Variants in SDHB observed in about 807,000 individuals in gnomAD.
SDHB encodes the protein succinate dehydrogenase [ubiquinone] iron-sulfur subunit, mitochondrial.
A neutral mutation model predicts 39.7 loss-of-function variants in SDHB; 21 were observed. The observed-to-expected ratio is 0.53, with a 90% confidence interval of 0.37 to 0.76. SDHB has a LOEUF of 0.76. SDHB is among the 30% of genes least tolerant of loss of function. The probability of loss-of-function intolerance (pLI) is 0.00; values close to 1 mark genes in which losing one functional copy is unlikely to be tolerated. For synonymous variants in SDHB, 118 were observed against 117.0 expected, an observed-to-expected ratio of 1.01 and a Z score of -0.06; for missense variants, 343 against 350.9, an observed-to-expected ratio of 0.98 and a Z score of 0.18.
At chr1:17,041,466 T>C (rs1022546583) in intron 2 of SDHB, among the ~76,000 whole-genome samples, 2 of 151,954 alleles carry the variant, frequency 1.3e-5, no homozygotes, top group Non-Finnish European at 2.9e-5. Flanking sequence ...GGCCAGGAGA[T>C]CAAGACCAGC....
chr1:17,028,134 G>A (rs1355143682), intron 4 of SDHB, among the ~76,000 whole-genome samples: 1 of 152,162 alleles, frequency 6.6e-6, no homozygotes, highest in African/African-American at 2.4e-5. Context: ...AAAACACCAC[G>A]TCAGCAAAGG....
At chr1:17,030,921 T>G (rs1403085335) in intron 3 of SDHB, among the ~76,000 whole-genome samples, 2 of 151,670 alleles carry the variant, frequency 1.3e-5, no homozygotes, top group Non-Finnish European at 2.9e-5. Context: ...CCTTGTGATC[T>G]GCCCGCCTCG....
chr1:17,023,422 A>G (rs1016065236), intron 6 of SDHB, among the ~76,000 whole-genome samples: 7 of 152,272 alleles, frequency 4.6e-5, no homozygotes, highest in Non-Finnish European at 1.0e-4. Flanking sequence ...GAGAAAGAGA[A>G]GTTGGTTTTT....
intron 2 of SDHB, among the ~76,000 whole-genome samples, chr1:17,036,379 C>T (rs1481502456): frequency 1.3e-5 from 2 of 151,998 alleles, no homozygotes; most frequent in African/African-American, 2.4e-5. Context: ...GTTGTGATCA[C>T]AGCTCACTGC....
chr1:17,035,004 C>A (rs1396473535), intron 2 of SDHB, among the ~76,000 whole-genome samples: 3 of 152,164 alleles, frequency 2.0e-5, no homozygotes, highest in African/African-American at 7.2e-5. Flanking sequence ...ATTCTAGAGA[C>A]TCAGTCTGTC....
At chr1:17,037,187 C>T (rs1024137541) in intron 2 of SDHB, among the ~76,000 whole-genome samples, 2 of 152,024 alleles carry the variant, frequency 1.3e-5, no homozygotes, top group Non-Finnish European at 2.9e-5. Flanking sequence ...ACAAATTATG[C>T]ATAATAAAAA....
intron 3 of SDHB, among the ~76,000 whole-genome samples, chr1:17,030,143 C>T (rs1239372239): frequency 6.6e-6 from 1 of 151,994 alleles, no homozygotes; most frequent in Non-Finnish European, 1.5e-5. Flanking sequence ...GAGCAGAGAT[C>T]GCGCCACTGC....
intron 3 of SDHB, 165 bp downstream of exon 3, chr1:17,032,895 T>G (rs965521658): frequency 1.5e-6 from 1 of 687,100 alleles, no homozygotes; most frequent in South Asian, 1.6e-5. Context: ...GCACCATGGT[T>G]AGAATTTTGG....
rs780427803 is a variant in SDHB, at chr1:17,023,963, A to G, written c.642+10T>C. The G allele has an allele frequency of 1.3e-6, 2 of 1,596,024 alleles. No individual in the cohort carries two copies. Among genetic ancestry groups the G allele is most frequent in the South Asian group, 1.1e-5 (1 of 90,704 alleles). On this transcript the variant is annotated intron_variant, in intron 6 of 7. Transcript: ENST00000375499. ...TCAATTTCTCTTAAAGCAATTAAGG[A>G]GCACCTCACCTGCATAAGAACTGCA...
intron 3 of SDHB, among the ~76,000 whole-genome samples, chr1:17,029,095 T>G (rs1422534500): frequency 1.8e-5 from 2 of 108,330 alleles, no homozygotes; most frequent in Non-Finnish European, 3.7e-5. Flanking sequence ...ATCAGCCTGT[T>G]TTTTTTTTTT....
intron 1 of SDHB, among the ~76,000 whole-genome samples, chr1:17,053,193 G>T (rs1173918657): frequency 6.6e-6 from 1 of 152,118 alleles, no homozygotes; most frequent in Non-Finnish European, 1.5e-5. Context: ...CCATACAAGG[G>T]GCGTGGGAAA....
chr1:17,025,555 G>A (rs2077986937), intron 5 of SDHB, among the ~76,000 whole-genome samples: 2 of 152,010 alleles, frequency 1.3e-5, no homozygotes, highest in South Asian at 4.1e-4. Flanking sequence ...GACTATAGGT[G>A]CATACCACCA....
chr1:17,043,407 A>G (rs919445670), intron 2 of SDHB, among the ~76,000 whole-genome samples: 3 of 152,314 alleles, frequency 2.0e-5, no homozygotes, highest in Non-Finnish European at 2.9e-5. Context: ...TTATATATCA[A>G]TTAATGCTAC....
chr1:17,022,812 G>T, intron 6 of SDHB, 82 bp from the exon 7 acceptor site: 1 of 1,528,650 alleles, frequency 6.5e-7, no homozygotes, highest in Non-Finnish European at 8.9e-7. Flanking sequence ...CTCTGGGAGT[G>T]CAGAGGAAAG....
At chr1:17,027,625 C>T in intron 5 of SDHB, 124 bp downstream of exon 5, 1 of 758,368 alleles carries the variant, frequency 1.3e-6, no homozygotes, top group Non-Finnish European at 2.4e-6. Context: ...CACCCTTGTG[C>T]CAGTTCCTCT....
chr1:17,042,049 G>A (rs2078082997), intron 2 of SDHB, among the ~76,000 whole-genome samples: 1 of 152,052 alleles, frequency 6.6e-6, no homozygotes, highest in Non-Finnish European at 1.5e-5. Context: ...AGCCTCCCAA[G>A]TGGCTGGGAT....
At chr1:17,028,453 G>T in intron 4 of SDHB, 147 bp downstream of exon 4, 1 of 820,130 alleles carries the variant, frequency 1.2e-6, no homozygotes, top group Non-Finnish European at 2.0e-6. Context: ...CCATAATATA[G>T]GAAACAGTCC....
rs1210793630 is a variant in SDHB, at chr1:17,044,782, G to A, written c.179C>T (p.Thr60Ile). Residue 60 changes from threonine to isoleucine, a missense_variant, in exon 2 of 8, where the codon ACT becomes ATT. By Grantham distance (89) the Thr-to-Ile change is moderately conservative. Coordinates refer to ENST00000375499, the MANE Select transcript of SDHB (RefSeq NM_003000.3). ...TCACTTATTAAGGTCAACTTCATAA[G>A]TCTGCATATGAGGTTTGTCTCCAGC... ...DKAGDKPHMQ[T>I]YEVDLNKCGP... The A allele has an allele frequency of 3.7e-6, 6 of 1,614,064 alleles. 1 individual carries two copies. The highest frequency in any genetic ancestry group is 5.1e-6 in the Non-Finnish European group (6 of 1,179,970).
At chr1:17,023,024 T>C (rs1168423605) in intron 6 of SDHB, 1 of 387,310 alleles carries the variant, frequency 2.6e-6, no homozygotes, top group East Asian at 5.9e-5. Flanking sequence ...AATAGCTTCC[T>C]ACCCAGCTTA....
Sources: gnomAD v4.1 joint callset for allele counts (sites outside exome capture counted in the v4.1 genomes callset) on GRCh38, gnomAD v4.1.1 for gene constraint, MANE v1.5 for transcripts, NCBI Gene and HGNC (gene_info 2026-07-23, HGNC 2026-07-21) for gene names.